Variants in FBXW12 observed in about 807,000 individuals in gnomAD.
FBXW12 encodes the protein F-box/WD repeat-containing protein 12.
FBXW12 carries 43 observed loss-of-function variants against 55.3 expected under a neutral mutation model. That is an observed-to-expected ratio of 0.78 (90% CI 0.61 to 1.00). The LOEUF (loss-of-function observed/expected upper bound fraction) is 1.00, where lower values mean the gene tolerates loss of function less well. FBXW12 is among the 50% of genes least tolerant of loss of function. The pLI is 0.00. For synonymous variants in FBXW12, 184 were observed against 203.8 expected (o/e 0.90, Z 0.83); for missense variants, 524 against 560.5 (o/e 0.93, Z 0.66).
intron 4 of FBXW12, 113 bp from the exon 5 acceptor site, chr3:48,375,241 A>G (rs2036665700): frequency 1.4e-6 from 1 of 722,982 alleles, no homozygotes; most frequent in East Asian, 2.7e-5. Context: ...TATCTTCTCC[A>G]TATTGTTACC....
At chr3:48,376,416 T>C (rs1426202390) in intron 5 of FBXW12, among the ~76,000 whole-genome samples, 1 of 152,220 alleles carries the variant, frequency 6.6e-6, no homozygotes, top group Non-Finnish European at 1.5e-5. Flanking sequence ...ATTGCCTCTT[T>C]GTCAATGATT....
chr3:48,394,477 T>C (rs1237246593), intron 10 of FBXW12, 83 bp from the exon 11 acceptor site: 2 of 782,502 alleles, frequency 2.6e-6, no homozygotes, highest in Non-Finnish European at 4.3e-6. Context: ...ATTGATATCT[T>C]AGTCAAGTTC....
At chr3:48,379,702 GT>G (rs1238719411) in intron 7 of FBXW12, 144 bp downstream of exon 7, 57 of 656,106 alleles carry the variant, frequency 8.7e-5, no homozygotes, top group Non-Finnish European at 1.3e-4. Flanking sequence ...CATTGTGATG[GT>G]CAGGAAACAA....
At chr3:48,378,745 G>GC (rs1397720404) in intron 6 of FBXW12, among the ~76,000 whole-genome samples, 1 of 151,496 alleles carries the variant, frequency 6.6e-6, no homozygotes, top group East Asian at 1.9e-4. Context: ...CTCCTGAGTC[G>GC]CTGAGACTAC....
At chr3:48,379,322 G>T in intron 6 of FBXW12, 78 bp from the exon 7 acceptor site, 1 of 1,338,698 alleles carries the variant, frequency 7.5e-7, no homozygotes, top group Non-Finnish European at 1.1e-6. Context: ...ATATCTTGCA[G>T]CTCATAGTGC....
chr3:48,377,076 T>C lies in FBXW12; in HGVS notation c.406-1241T>C, dbSNP rs527431303. 2.0e-5 allele frequency among the ~76,000 whole-genome samples: 3 copies of C among 152,316 alleles called. No homozygotes were observed. The South Asian group carries it at 6.2e-4, about 32-fold the overall frequency. The stretch of plus-strand genomic sequence containing the variant: ...AATGAGAGCCTAGATTCTGCAATGA[T>C]ACTACAATGGTATGAGACATTTGAG... On this transcript the variant is annotated intron_variant, in intron 5 of 10. Coordinates refer to ENST00000296438, the MANE Select transcript of FBXW12 (RefSeq NM_207102.2).
intron 1 of FBXW12, 91 bp from the exon 2 acceptor site, chr3:48,372,593 A>G: frequency 6.9e-7 from 1 of 1,439,860 alleles, no homozygotes; most frequent in Non-Finnish European, 9.4e-7. Flanking sequence ...GCCCCAGGGG[A>G]GAGGCCGGGG....
At position 48,372,801 on chromosome 3, in the gene FBXW12, C is replaced by A. The variant is rs771265112; in HGVS notation, c.34C>A (p.Arg12=). Reference sequence around the variant, plus strand: ...CCGATTGCCTGACTTAGCTTTGAAGCGAATCTTCTCTTTCCTGGACCTGTT... The same window carrying A: ...CCGATTGCCTGACTTAGCTTTGAAGAGAATCTTCTCTTTCCTGGACCTGTT... The part of the protein sequence containing the change: ...EIRLPDLALK[R]IFSFLDLFGL... The change falls in exon 2 of 11, where the codon CGA becomes AGA. Residue 12 remains arginine (R), a synonymous_variant. Coordinates refer to ENST00000296438, the MANE Select transcript of FBXW12 (RefSeq NM_207102.2). 1 of 1,614,176 alleles carries A rather than the reference C, an allele frequency of 6.2e-7. No individual in the cohort carries two copies. Among genetic ancestry groups the A allele is most frequent in the Admixed American group, 1.7e-5 (1 of 60,022 alleles).
At chr3:48,375,927 G>A (rs1441181281) in intron 5 of FBXW12, among the ~76,000 whole-genome samples, 1 of 149,478 alleles carries the variant, frequency 6.7e-6, no homozygotes, top group Non-Finnish European at 1.5e-5. Context: ...CGCCTACCTT[G>A]GGCTTCCAAA....
rs896666513 is a variant in FBXW12 at position 48,388,170 on chromosome 3, T to C, written c.1295+6085T>C. Among the ~76,000 whole-genome samples the C allele has an allele frequency of 1.1e-4, 16 of 152,368 alleles. No individual in the cohort carries two copies. In the Middle Eastern group the frequency reaches 0.01, roughly 97 times the overall value. ...TATTTTCTTCATTCTTTTATAGTTG[T>C]TAAAATCTGTTTTGTCACCCAAGAT... On this transcript the variant is annotated intron_variant, in intron 10 of 10. Transcript: ENST00000296438.
In FBXW12 at chr3:48,378,492, A is replaced by G; in HGVS notation, c.581A>G (p.Glu194Gly). Residue 194 changes from glutamate (E) to glycine (G), a missense_variant, in exon 6 of 11, where the codon GAA becomes GGA. Transcript: ENST00000296438. Reference sequence around the variant, plus strand: ...ATGCCACAGCCCTGTTATTGCATGGAAGCCTATCTTACAAAGGATGGCCCA... The same window carrying G: ...ATGCCACAGCCCTGTTATTGCATGGGAGCCTATCTTACAAAGGATGGCCCA... ...LPMPQPCYCM[E>G]AYLTKDGPFL... The G allele has an allele frequency of 6.2e-7, 1 of 1,614,104 alleles. No individual in the cohort carries two copies. Among genetic ancestry groups the G allele is most frequent in the Non-Finnish European group, 8.5e-7 (1 of 1,180,018 alleles).
In FBXW12 at chr3:48,384,085, A is replaced by C. The variant is rs137930919; in HGVS notation, c.1295+2000A>C. Among the ~76,000 whole-genome samples, 1,167 of 152,314 alleles carry C rather than the reference A, an allele frequency of 7.7e-3. 9 individuals carry two copies. The highest frequency in any genetic ancestry group is 0.024 in the Middle Eastern group (7 of 294). On this transcript the variant is annotated intron_variant, in intron 10 of 10. Coordinates refer to ENST00000296438, the MANE Select transcript of FBXW12 (RefSeq NM_207102.2). ...TTAGAATTGGTTTGTAAATTTTTACAAAAATTCTGAGATTTATATTGGAAT... is the reference window on the plus strand; with the variant it reads ...TTAGAATTGGTTTGTAAATTTTTACCAAAATTCTGAGATTTATATTGGAAT...
intron 5 of FBXW12, 63 bp from the exon 6 acceptor site, chr3:48,378,254 G>GAATGCACATGTAGGTGT: frequency 7.8e-7 from 1 of 1,276,604 alleles, no homozygotes; most frequent in Non-Finnish European, 1.1e-6. Flanking sequence ...AACATGGGCA[G>GAATGCACATGTAGGTGT]AATGAAAGCA....
intron 10 of FBXW12, 117 bp downstream of exon 10, chr3:48,382,202 C>G: frequency 8.7e-7 from 1 of 1,149,308 alleles, no homozygotes; most frequent in Non-Finnish European, 1.2e-6. Flanking sequence ...CTGCAACCTC[C>G]GACTCCCGGG....
At chr3:48,381,001 A>C in intron 8 of FBXW12, 89 bp downstream of exon 8, 1 of 1,098,748 alleles carries the variant, frequency 9.1e-7, no homozygotes, top group Non-Finnish European at 1.3e-6. Context: ...CAGCCTGTAT[A>C]AAGTGAGCAG....
In FBXW12 at chr3:48,386,002, T is replaced by C. The variant is rs550464233; in HGVS notation, c.1295+3917T>C. ...TGCTTTCTTTCCTGTGCAGAAACTT[T>C]TTAGGTTGATGCAATCCCGTTTACC... is the stretch of plus-strand genomic sequence containing the variant. On this transcript the variant is annotated intron_variant, in intron 10 of 10. Transcript: ENST00000296438. Among the ~76,000 whole-genome samples the C allele has an allele frequency of 1.1e-4, 16 of 152,354 alleles. No individual in the cohort carries two copies. In the East Asian group the frequency reaches 3.1e-3, roughly 29 times the overall value.
At chr3:48,385,338 TTGTGTGTG>T (rs60689779) in intron 10 of FBXW12, among the ~76,000 whole-genome samples, 3,294 of 148,820 alleles carry the variant, frequency 0.022, 102 homozygotes, top group African/African-American at 0.068. Context: ...TGGTATTCCA[TTGTGTGTG>T]TGTGTGTGTG....
chr3:48,379,602 A>G, intron 7 of FBXW12, 44 bp downstream of exon 7: 1 of 1,573,058 alleles, frequency 6.4e-7, no homozygotes, highest in Middle Eastern at 1.7e-4. Flanking sequence ...TAGGAATGTC[A>G]AGTTAGGAAG....
chr3:48,390,219 T>C (rs2036903013), intron 10 of FBXW12, among the ~76,000 whole-genome samples: 1 of 152,142 alleles, frequency 6.6e-6, no homozygotes, highest in Admixed American at 6.5e-5. Flanking sequence ...TCTTTCCTGA[T>C]ACCATATAAA....
Sources: gnomAD v4.1 joint callset for allele counts (sites outside exome capture counted in the v4.1 genomes callset) on GRCh38, gnomAD v4.1.1 for gene constraint, MANE v1.5 for transcripts, NCBI Gene and HGNC (gene_info 2026-07-23, HGNC 2026-07-21) for gene names.